The following INPP4B variants were observed in gnomAD, a reference collection of about 807,000 sequenced individuals.
INPP4B encodes inositol polyphosphate-4-phosphatase type II B, also known as inositol polyphosphate 4-phosphatase type II.
Under a neutral mutation model 122.5 loss-of-function variants are expected in INPP4B, and 55 were observed. The observed-to-expected ratio is 0.45, with a 90% CI of 0.36 to 0.56. INPP4B has a LOEUF of 0.56. Among genes scored for constraint, INPP4B ranks in the 20% least tolerant of loss-of-function variants. INPP4B has a pLI of 0.00. For synonymous variants in INPP4B, 403 were observed against 388.7 expected (o/e 1.04, Z -0.43); for missense variants, 1,000 against 1,097.7 (o/e 0.91, Z 1.26).
Position 142,261,786 on chromosome 4 carries a change from T to G in INPP4B, c.616-1222A>C, listed in dbSNP as rs1212325348. Reference sequence around the variant, plus strand: ...AGACAAAGAATTCAAAACACTGATTTAAATGTTACTTTCTGTTTTCTTATA... The same window carrying G: ...AGACAAAGAATTCAAAACACTGATTGAAATGTTACTTTCTGTTTTCTTATA... On this transcript the variant is annotated intron_variant, in intron 10 of 25. Transcript: ENST00000262992. 4.6e-5 allele frequency among the ~76,000 whole-genome samples: 7 copies of G among 152,342 alleles called. No homozygotes were observed. In the South Asian group the frequency reaches 6.2e-4, roughly 14 times the overall value.
At chr4:142,356,891 T>C (rs779275129) in intron 7 of INPP4B, among the ~76,000 whole-genome samples, 4 of 151,840 alleles carry the variant, frequency 2.6e-5, no homozygotes, top group South Asian at 4.2e-4. Context: ...GGATTACACA[T>C]TGAGTTAAAA....
At chr4:142,843,588 G>T (rs151183287) in intron 1 of INPP4B, among the ~76,000 whole-genome samples, 71 of 151,258 alleles carry the variant, frequency 4.7e-4, no homozygotes, top group African/African-American at 1.7e-3. Context: ...GATTAGGTAT[G>T]ATATTTGTAT....
chr4:142,162,317 A>T (rs1820529320), intron 16 of INPP4B, among the ~76,000 whole-genome samples: 1 of 151,728 alleles, frequency 6.6e-6, no homozygotes, highest in Non-Finnish European at 1.5e-5. Flanking sequence ...AATGAAAGAT[A>T]TAAAAAAACT....
intron 5 of INPP4B, among the ~76,000 whole-genome samples, chr4:142,409,499 TAATAAATA>T (rs10524814): frequency 1.5e-4 from 22 of 150,390 alleles, no homozygotes; most frequent in African/African-American, 4.2e-4. Flanking sequence ...TCTCAAAAAA[TAATAAATA>T]AATAAATAAA....
chr4:142,835,332 A>G lies in INPP4B; in HGVS notation c.-254+10877T>C, dbSNP rs529958849. Among the ~76,000 whole-genome samples, 96 of 152,308 alleles carry G rather than the reference A, an allele frequency of 6.3e-4. 1 individual carries two copies. The highest frequency in any genetic ancestry group is 3.8e-4 in the Non-Finnish European group (26 of 68,016). ...AAGTCTCAGCTTCAGGATAAACCACAGGGCTCTTGTTAACAAAAGGAAGGC... is the reference window on the plus strand; with the variant it reads ...AAGTCTCAGCTTCAGGATAAACCACGGGGCTCTTGTTAACAAAAGGAAGGC... On this transcript the variant is annotated intron_variant, in intron 1 of 25. Transcript: ENST00000262992.
intron 25 of INPP4B, among the ~76,000 whole-genome samples, chr4:142,073,921 C>T (rs1769011749): frequency 6.6e-6 from 1 of 152,008 alleles, no homozygotes; most frequent in African/African-American, 2.4e-5. Context: ...AGGCATCAAT[C>T]ATCTCTCTAA....
chr4:142,546,479 T>C (rs1159529550), intron 2 of INPP4B, among the ~76,000 whole-genome samples: 2 of 152,068 alleles, frequency 1.3e-5, no homozygotes, highest in Non-Finnish European at 2.9e-5. Context: ...ATAGTACATG[T>C]CCAAAATTGA....
At chr4:142,821,558 A>T (rs1292978783) in intron 1 of INPP4B, among the ~76,000 whole-genome samples, 1 of 152,180 alleles carries the variant, frequency 6.6e-6, no homozygotes, top group Non-Finnish European at 1.5e-5. Context: ...AAATTGCCAT[A>T]ACTATGTAGC....
chr4:142,775,296 G>A (rs1773686858), intron 1 of INPP4B, among the ~76,000 whole-genome samples: 1 of 152,104 alleles, frequency 6.6e-6, no homozygotes, highest in Non-Finnish European at 1.5e-5. Flanking sequence ...ATTATACAGA[G>A]CACAGTTAAA....
At chr4:142,183,226 G>T (rs1363973425) in intron 15 of INPP4B, among the ~76,000 whole-genome samples, 2 of 152,202 alleles carry the variant, frequency 1.3e-5, no homozygotes, top group East Asian at 1.9e-4. Context: ...CCCCCAAGTT[G>T]CCCCTAAATA....
intron 2 of INPP4B, among the ~76,000 whole-genome samples, chr4:142,613,002 T>A (rs77756493): frequency 0.012 from 1,753 of 152,308 alleles, 31 homozygotes; most frequent in African/African-American, 0.032. Context: ...GAAAACTTCC[T>A]CAAAGGGAAG....
At chr4:142,563,489 G>T (rs1331718668) in intron 2 of INPP4B, among the ~76,000 whole-genome samples, 4 of 152,138 alleles carry the variant, frequency 2.6e-5, no homozygotes, top group Admixed American at 2.6e-4. Flanking sequence ...TATCTATAAG[G>T]CAATAGCAGT....
At chr4:142,561,091 C>G (rs1250800066) in intron 2 of INPP4B, among the ~76,000 whole-genome samples, 1 of 152,044 alleles carries the variant, frequency 6.6e-6, no homozygotes, top group Non-Finnish European at 1.5e-5. Flanking sequence ...TTAAATATAA[C>G]AGAAAATATA....
intron 3 of INPP4B, among the ~76,000 whole-genome samples, chr4:142,441,598 T>G (rs1007179417): frequency 6.6e-6 from 1 of 152,032 alleles, no homozygotes; most frequent in Non-Finnish European, 1.5e-5. Context: ...AAATAATTCA[T>G]GAAGTCACTA....
chr4:142,562,493 CT>C (rs1730684771), intron 2 of INPP4B, among the ~76,000 whole-genome samples: 1 of 152,130 alleles, frequency 6.6e-6, no homozygotes, highest in Non-Finnish European at 1.5e-5. Context: ...AATTCTAGGA[CT>C]TTTTCCCCTC....
At chr4:142,509,603 A>T (rs1824460568) in intron 2 of INPP4B, among the ~76,000 whole-genome samples, 1 of 152,192 alleles carries the variant, frequency 6.6e-6, no homozygotes, top group Non-Finnish European at 1.5e-5. Flanking sequence ...TATATGTGCC[A>T]CATTTTGGGA....
intron 23 of INPP4B, among the ~76,000 whole-genome samples, chr4:142,107,575 G>C: frequency 6.6e-6 from 1 of 152,198 alleles, no homozygotes; most frequent in African/African-American, 2.4e-5. Flanking sequence ...CATTTTTAAA[G>C]GCTTGGGTGC....
chr4:142,044,702 G>A (rs545066313), intron 25 of INPP4B, among the ~76,000 whole-genome samples: 4 of 152,284 alleles, frequency 2.6e-5, no homozygotes, highest in African/African-American at 9.6e-5. Flanking sequence ...GAGGCACAGA[G>A]AAAGGGGTAA....
At chr4:142,649,007 C>G (rs1319682277) in intron 2 of INPP4B, among the ~76,000 whole-genome samples, 1 of 152,194 alleles carries the variant, frequency 6.6e-6, no homozygotes, top group East Asian at 1.9e-4. Flanking sequence ...GAGGGAGGAT[C>G]AGGCAGCAAT....
Sources: allele counts gnomAD v4.1 joint callset (sites outside exome capture counted in the v4.1 genomes callset), GRCh38; gene constraint gnomAD v4.1.1; transcripts MANE v1.5; gene names NCBI Gene and HGNC (gene_info 2026-07-23, HGNC 2026-07-21).